The following TEAD2 variants were observed in gnomAD, a reference collection of about 807,000 sequenced individuals.
TEAD2 encodes transcriptional enhancer factor TEF-4.
In TEAD2, 51 loss-of-function variants were observed where a neutral mutation model predicts 61.4. That is an observed-to-expected ratio of 0.83 (90% CI 0.66 to 1.05). The LOEUF (loss-of-function observed/expected upper bound fraction) is 1.05. TEAD2 is among the 50% of genes least tolerant of loss of function. The pLI, the probability that TEAD2 is intolerant of heterozygous loss-of-function variation, is 0.00. For missense variants in TEAD2, 509 were observed against 600.0 expected, an observed-to-expected ratio of 0.85 and a Z score of 1.58; for synonymous variants, 244 against 243.2, an observed-to-expected ratio of 1.00 and a Z score of -0.03.
chr19:49,360,922 G>A (rs1600806619), intron 1 of TEAD2, among the ~76,000 whole-genome samples: 1 of 127,134 alleles, frequency 7.9e-6, no homozygotes, highest in African/African-American at 3.1e-5. Context: ...AGAGAGAAGG[G>A]GACAGAGACC....
Position 49,359,967 on chromosome 19 carries a change from C to A in TEAD2, c.109G>T (p.Gly37Trp). The change falls in exon 2 of 13, where the codon GGG becomes TGG. Residue 37 changes from glycine (G) to tryptophan (W), a missense_variant. By Grantham distance (184) the Gly-to-Trp change is radical (BLOSUM62 -2). Coordinates refer to ENST00000593945, the MANE Select transcript of TEAD2 (RefSeq NM_001256660.2). This position sits in a 1 kb window ranked among gnomAD's most constrained non-coding sequence, Gnocchi z 4.1. ...CACACCCCCTCTGCATCCGGGCCCC[C>A]GTCACCCCCAGCCCCCTCACTGCCG... The part of the protein sequence containing the change: ...TGGSEGAGGD[G>W]GPDAEGVWSP... The A allele has an allele frequency of 6.2e-7, 1 of 1,610,848 alleles. No homozygotes were observed. The highest frequency in any genetic ancestry group is 8.5e-7 in the Non-Finnish European group (1 of 1,179,912).
chr19:49,358,394 GAC>G (rs149129275), intron 3 of TEAD2, among the ~76,000 whole-genome samples: 5,010 of 152,196 alleles, frequency 0.033, 264 homozygotes, highest in African/African-American at 0.11. Flanking sequence ...CAGCTTGGGA[GAC>G]ACAGTGACTT....
Position 49,341,660 on chromosome 19 carries a change from A to G in TEAD2, c.1243-223T>C, listed in dbSNP as rs937310065. Among the ~76,000 whole-genome samples, 3 of 152,094 alleles carry G rather than the reference A, an allele frequency of 2.0e-5. No homozygotes were observed. The highest frequency in any genetic ancestry group is 7.2e-5 in the African/African-American group (3 of 41,420). ...TGAGCGTTGGCAGTTATGGTGTATC[A>G]CATCTCAGGGTTAATCGGGTTCCCA... is the stretch of plus-strand genomic sequence containing the variant. On this transcript the variant is annotated intron_variant, in intron 12 of 12. Transcript: ENST00000593945. This position sits in a 1 kb window ranked among gnomAD's most constrained non-coding sequence, Gnocchi z 4.2.
rs780807272 is a variant in TEAD2 at position 49,357,356 on chromosome 19, C to T, written c.298-42G>A. ...AGAAGCAGATTCAGGCCACAGCCAC[C>T]GCCCCTGTGTTCACTACCCCTTCTC... On this transcript the variant is annotated intron_variant, in intron 3 of 12. Transcript: ENST00000593945. The T allele has an allele frequency of 1.1e-5, 17 of 1,601,012 alleles. No individual in the cohort carries two copies. In the African/African-American group the frequency reaches 1.2e-4, roughly 11 times the overall value.
chr19:49,359,717 G>T lies in TEAD2; in HGVS notation c.232+127C>A. 9.1e-7 allele frequency: 1 copy of T among 1,104,060 alleles called. No individual in the cohort carries two copies. Among genetic ancestry groups the T allele is most frequent in the Non-Finnish European group, 1.3e-6 (1 of 752,376 alleles). 68.4% of individuals were successfully genotyped at this position (1,104,060 alleles called of 1,614,324 possible). On this transcript the variant is annotated intron_variant, in intron 2 of 12. Coordinates refer to ENST00000593945, the MANE Select transcript of TEAD2 (RefSeq NM_001256660.2). This position sits in a 1 kb window ranked among gnomAD's most constrained non-coding sequence, Gnocchi z 4.1. ...GACCATAAGCAAATCACTTAACCTA[G>T]CTGTGCCTCAGTTTCCTCATCTGTG...
At chr19:49,348,976 G>C (rs1971829707) in intron 8 of TEAD2, 131 bp from the exon 9 acceptor site, 1 of 1,252,702 alleles carries the variant, frequency 8.0e-7, no homozygotes, top group African/African-American at 1.5e-5. Flanking sequence ...CTCCCTTGCA[G>C]TTAGAAGTGG....
In TEAD2 at chr19:49,359,888, C is replaced by T; in HGVS notation, c.188G>A (p.Cys63Tyr). The change falls in exon 2 of 13, where the codon TGC (cysteine) becomes TAC (tyrosine). Residue 63 changes from cysteine to tyrosine, a missense_variant. Transcript: ENST00000593945. This position sits in a 1 kb window ranked among gnomAD's most constrained non-coding sequence, Gnocchi z 4.1. ...AGACAAAATTATTTTCCGGCGGCCG[C>T]AGGGTGGATAGATGGCCAGGGCCTC... ...FQEALAIYPPCGRRKIILSDE... is the reference protein window; with the variant it reads ...FQEALAIYPPYGRRKIILSDE... 6.2e-7 allele frequency: 1 copy of T among 1,613,724 alleles called. No homozygotes were observed. The highest frequency in any genetic ancestry group is 8.5e-7 in the Non-Finnish European group (1 of 1,180,034).
chr19:49,342,205 G>T (rs1368076841), intron 12 of TEAD2, among the ~76,000 whole-genome samples: 5 of 151,206 alleles, frequency 3.3e-5, no homozygotes, highest in African/African-American at 4.9e-5. Flanking sequence ...AAAAAAAAGA[G>T]AGAGAGTGCT....
intron 10 of TEAD2, among the ~76,000 whole-genome samples, chr19:49,343,817 G>T (rs1403399825): frequency 7.3e-6 from 1 of 136,144 alleles, no homozygotes. Context: ...ATTCTTCAGT[G>T]TTGTTTTGTT....
At chr19:49,347,921 C>T (rs1478520301) in intron 9 of TEAD2, among the ~76,000 whole-genome samples, 2 of 152,216 alleles carry the variant, frequency 1.3e-5, no homozygotes. Context: ...GGTTCCTTTA[C>T]ACAGTGTGAA....
intron 9 of TEAD2, among the ~76,000 whole-genome samples, chr19:49,348,484 C>T (rs1971791501): frequency 7.2e-6 from 1 of 138,694 alleles, no homozygotes; most frequent in African/African-American, 2.7e-5. Context: ...AGTACGGTCC[C>T]CAGACCAGCT....
chr19:49,353,715 T>C (rs1039219488), intron 7 of TEAD2, among the ~76,000 whole-genome samples: 15 of 149,400 alleles, frequency 1.0e-4, no homozygotes, highest in African/African-American at 2.5e-5. Context: ...CGTATCCCCA[T>C]TCAGCAGCAG....
intron 9 of TEAD2, 78 bp from the exon 10 acceptor site, chr19:49,347,441 C>T: frequency 2.7e-6 from 4 of 1,506,488 alleles, no homozygotes; most frequent in Non-Finnish European, 3.6e-6. Context: ...CCACCAAATG[C>T]CGTCACCATC....
intron 10 of TEAD2, 27 bp from the exon 11 acceptor site, chr19:49,343,425 T>C (rs748878593): frequency 1.9e-5 from 30 of 1,581,320 alleles, no homozygotes; most frequent in Non-Finnish European, 2.5e-5. Flanking sequence ...CACAGATGAG[T>C]CAGAGGGGAC....
chr19:49,352,775 A>T (rs1972107297), intron 7 of TEAD2, among the ~76,000 whole-genome samples: 1 of 151,994 alleles, frequency 6.6e-6, no homozygotes. Flanking sequence ...CCTGACCTCA[A>T]ATGATCCACC....
Position 49,341,488 on chromosome 19 carries a change from A to G in TEAD2, c.1243-51T>C, listed in dbSNP as rs775107583. On this transcript the variant is annotated intron_variant, in intron 12 of 12. Transcript: ENST00000593945. This position sits in a 1 kb window ranked among gnomAD's most constrained non-coding sequence, Gnocchi z 4.2. ...CTTATGCTTAGAAGGGAGGGCAGGG[A>G]CCCCTGTGCCCCCCTGCCAAGCTAT... 2.4e-5 allele frequency: 36 copies of G among 1,476,026 alleles called. No homozygotes were observed. Among genetic ancestry groups the G allele is most frequent in the Non-Finnish European group, 8.5e-6 (9 of 1,058,946 alleles). 91.4% of individuals were successfully genotyped at this position (1,476,026 alleles called of 1,614,324 possible). A position where few individuals can be genotyped will look rare whatever the true frequency, so the allele number is the denominator to read the frequency against.
intron 9 of TEAD2, among the ~76,000 whole-genome samples, chr19:49,348,219 C>T (rs1971774727): frequency 6.6e-6 from 1 of 152,214 alleles, no homozygotes; most frequent in Non-Finnish European, 1.5e-5. Context: ...TTACATGCAA[C>T]TTATCTGGCA....
At position 49,340,679 on chromosome 19, in the gene TEAD2, C is replaced by A. The variant is rs1466976184; in HGVS notation, c.*645G>T. ...AGGAAGGAAACCGTCTAGCTCAGGG[C>A]TCACTTAGGAGAGGGATGAGATTAG... On this transcript the variant is annotated 3_prime_UTR_variant, in exon 13 of 13. Transcript: ENST00000593945. 1 of 445,856 alleles carries A rather than the reference C, an allele frequency of 2.2e-6. No individual in the cohort carries two copies. Among genetic ancestry groups the A allele is most frequent in the Non-Finnish European group, 4.2e-6 (1 of 240,834 alleles). The allele number at this position is 445,856 out of a possible 1,614,324, so 27.6% of individuals were successfully genotyped here. A position where few individuals can be genotyped will look rare whatever the true frequency, so the allele number is the denominator to read the frequency against.
At chr19:49,354,020 G>C (rs1423564882) in intron 7 of TEAD2, among the ~76,000 whole-genome samples, 3 of 148,520 alleles carry the variant, frequency 2.0e-5, no homozygotes, top group Non-Finnish European at 4.5e-5. Flanking sequence ...GAATGGTCTC[G>C]ATCTCCTGAC....
Sources: allele counts gnomAD v4.1 joint callset (sites outside exome capture counted in the v4.1 genomes callset), GRCh38; gene constraint gnomAD v4.1.1; non-coding constraint Gnocchi (gnomAD v3.1); transcripts MANE v1.5; gene names NCBI Gene and HGNC (gene_info 2026-07-23, HGNC 2026-07-21).